DDX60L: variants seen among roughly 807,000 people sequenced by gnomAD.
The protein encoded by DDX60L is probable ATP-dependent RNA helicase DDX60-like.
Under a neutral mutation model 211.6 loss-of-function variants are expected in DDX60L, and 191 were observed. That is an observed-to-expected ratio of 0.90 (90% CI 0.80 to 1.02). The LOEUF (loss-of-function observed/expected upper bound fraction) is 1.02, where lower values mean the gene tolerates loss of function less well. DDX60L is among the 50% of genes least tolerant of loss of function. DDX60L has a pLI of 0.00. For synonymous variants in DDX60L, 706 were observed against 694.1 expected (o/e 1.02, Z -0.27); for missense variants, 2,007 against 1,984.1 (o/e 1.01, Z -0.22).
At chr4:168,411,302 T>C (rs995366692) in intron 22 of DDX60L, among the ~76,000 whole-genome samples, 6 of 152,180 alleles carry the variant, frequency 3.9e-5, no homozygotes, top group Admixed American at 1.3e-4. Context: ...TCTGTATCAC[T>C]GAAGGAGGCA....
chr4:168,412,031 T>G (rs950775213), intron 22 of DDX60L, among the ~76,000 whole-genome samples: 2 of 151,828 alleles, frequency 1.3e-5, no homozygotes, highest in Non-Finnish European at 2.9e-5. Context: ...TTGGCAGGAT[T>G]CATCACCCAC....
chr4:168,432,932 G>C, intron 11 of DDX60L, 78 bp downstream of exon 11: 2 of 832,570 alleles, frequency 2.4e-6, no homozygotes, highest in Non-Finnish European at 3.9e-6. Flanking sequence ...ATATTACATA[G>C]ACATTTTGAT....
chr4:168,469,766 T>G (rs895951162), intron 4 of DDX60L: 2 of 151,980 alleles, frequency 1.3e-5, no homozygotes, highest in African/African-American at 4.8e-5. Context: ...TAGTTCCAAG[T>G]ACTTAGGAGG....
intron 14 of DDX60L, 61 bp downstream of exon 14, chr4:168,427,009 A>C: frequency 1.4e-5 from 20 of 1,460,446 alleles, no homozygotes; most frequent in Middle Eastern, 1.9e-4. Context: ...TTCAGTAAAT[A>C]TGTTAACATC....
chr4:168,438,761 G>A (rs1753413270), intron 10 of DDX60L, among the ~76,000 whole-genome samples: 1 of 152,194 alleles, frequency 6.6e-6, no homozygotes, highest in South Asian at 2.1e-4. Flanking sequence ...AGGGTTTAGG[G>A]AATAGGTAAT....
chr4:168,423,583 G>C (rs1750993499), intron 15 of DDX60L, 25 bp downstream of exon 15: 1 of 1,493,030 alleles, frequency 6.7e-7, no homozygotes, highest in South Asian at 1.3e-5. Flanking sequence ...AAAATTTAAA[G>C]TATAAGAAAT....
chr4:168,419,418 T>A, intron 18 of DDX60L, 21 bp from the exon 19 acceptor site: 1 of 1,529,516 alleles, frequency 6.5e-7, no homozygotes, highest in Non-Finnish European at 8.9e-7. Context: ...GAATGATTAG[T>A]GTAGCTAACT....
chr4:168,429,137 T>C (rs1751931291), intron 13 of DDX60L, among the ~76,000 whole-genome samples: 1 of 152,006 alleles, frequency 6.6e-6, no homozygotes, highest in Non-Finnish European at 1.5e-5. Context: ...CAAACTAATA[T>C]ACAAAAATTC....
intron 26 of DDX60L, among the ~76,000 whole-genome samples, chr4:168,396,948 T>C (rs1304217202): frequency 6.6e-6 from 1 of 152,194 alleles, no homozygotes; most frequent in Non-Finnish European, 1.5e-5. Flanking sequence ...TATGTTGAAA[T>C]CCTAAACTCC....
At position 168,427,007 on chromosome 4, in the gene DDX60L, A is replaced by C. The variant is rs1030221483; in HGVS notation, c.1930+63T>G. On this transcript the variant is annotated intron_variant, in intron 14 of 37. Transcript: ENST00000682922. The stretch of plus-strand genomic sequence containing the variant: ...TTTAGCACAACCATGCATTCAGTAA[A>C]TATGTTAACATCATTAATATTTTCA... The C allele has an allele frequency of 2.7e-5, 40 of 1,479,734 alleles. No homozygotes were observed. The Middle Eastern group carries it at 9.2e-4, about 34-fold the overall frequency. 91.7% of individuals were successfully genotyped at this position (1,479,734 alleles called of 1,614,324 possible). A position where few individuals can be genotyped will look rare whatever the true frequency, so the allele number is the denominator to read the frequency against.
In DDX60L at chr4:168,421,891, C is replaced by A; in HGVS notation, c.2263G>T (p.Val755Leu). Residue 755 changes from valine to leucine, a missense_variant, in exon 17 of 38, where the codon GTA becomes TTA. By Grantham distance (32) the Val-to-Leu change is conservative. Coordinates refer to ENST00000682922, the MANE Select transcript of DDX60L (RefSeq NM_001012967.3). ...NAWQQELLDV[V>L]DKNESAVIVA... The stretch of plus-strand genomic sequence containing the variant: ...ATCACTGCTGACTCATTCTTATCTA[C>A]CACATCCAGGAGTTCCTGCTGCAGG... 1.2e-6 allele frequency: 2 copies of A among 1,614,158 alleles called. No individual in the cohort carries two copies. The highest frequency in any genetic ancestry group is 1.7e-6 in the Non-Finnish European group (2 of 1,180,018).
intron 28 of DDX60L, among the ~76,000 whole-genome samples, chr4:168,392,544 GA>G (rs915139546): frequency 5.4e-5 from 8 of 148,912 alleles, no homozygotes; most frequent in African/African-American, 2.0e-4. Context: ...GTATCATTTA[GA>G]AAAAAAAAAG....
intron 29 of DDX60L, 76 bp from the exon 30 acceptor site, chr4:168,384,888 A>G: frequency 1.5e-6 from 2 of 1,376,770 alleles, no homozygotes; most frequent in Non-Finnish European, 2.0e-6. Flanking sequence ...TTATGACTTT[A>G]CACTTGTTAT....
chr4:168,407,452 C>T (rs538322328), intron 22 of DDX60L, among the ~76,000 whole-genome samples: 15 of 152,236 alleles, frequency 9.9e-5, no homozygotes, highest in Admixed American at 3.9e-4. Context: ...ACCACTTCTT[C>T]GAATCCATTA....
Position 168,456,905 on chromosome 4 carries a change from A to G in DDX60L, c.724-753T>C, listed in dbSNP as rs57256000. On this transcript the variant is annotated intron_variant, in intron 6 of 37. Transcript: ENST00000682922. ...GAAAATATGCAATAATCTTAATGAA[A>G]TGTACACTAAAAATATATATACAGT... is the stretch of plus-strand genomic sequence containing the variant. Among the ~76,000 whole-genome samples the G allele has an allele frequency of 6.7e-3, 1,015 of 152,290 alleles. 14 individuals carry two copies. Among genetic ancestry groups the G allele is most frequent in the African/African-American group, 0.02 (844 of 41,562 alleles).
intron 10 of DDX60L, among the ~76,000 whole-genome samples, chr4:168,435,506 C>T (rs1046472969): frequency 1.3e-5 from 2 of 152,124 alleles, no homozygotes; most frequent in Non-Finnish European, 2.9e-5. Context: ...GTAAATTTAA[C>T]CCTATGATGA....
intron 22 of DDX60L, among the ~76,000 whole-genome samples, chr4:168,411,239 C>T (rs1194730478): frequency 6.6e-6 from 1 of 152,158 alleles, no homozygotes; most frequent in Non-Finnish European, 1.5e-5. Flanking sequence ...ACACAAAAGG[C>T]ACCTTTATAA....
chr4:168,472,408 G>T, intron 3 of DDX60L, 47 bp downstream of exon 3: 1 of 1,359,338 alleles, frequency 7.4e-7, no homozygotes, highest in Non-Finnish European at 1.0e-6. Context: ...TGGAAACACA[G>T]AGCATACAAT....
rs551448406 is a variant in DDX60L at position 168,422,999 on chromosome 4, G to GTGTA, written c.2098-330_2098-329insTACA. On this transcript the variant is annotated intron_variant, in intron 15 of 37. Transcript: ENST00000682922. ...TGTGTGTGTGTGTGTGTGTGTGTGT[G>GTGTA]TTGTAGAGACAGGGTGTTGCCATGT... 5.1e-3 allele frequency among the ~76,000 whole-genome samples: 699 copies of GTGTA among 137,606 alleles called. 8 individuals are homozygous for GTGTA. Among genetic ancestry groups the GTGTA allele is most frequent in the Admixed American group, 0.02 (281 of 13,720 alleles). 90.3% of individuals were successfully genotyped at this position (137,606 alleles called of 152,430 possible).
Sources: gnomAD v4.1 joint callset for allele counts (sites outside exome capture counted in the v4.1 genomes callset) on GRCh38, gnomAD v4.1.1 for gene constraint, MANE v1.5 for transcripts, NCBI Gene and HGNC (gene_info 2026-07-23, HGNC 2026-07-21) for gene names.